Variants in STAT5B observed in about 807,000 individuals in gnomAD.
The protein encoded by STAT5B is transcription factor STAT5B.
In STAT5B, 21 loss-of-function variants were observed where a neutral mutation model predicts 107.8. The observed-to-expected ratio is 0.19, with a 90% CI of 0.14 to 0.28. STAT5B has a LOEUF of 0.28. Among genes scored for constraint, STAT5B ranks in the 10% least tolerant of loss-of-function variants. The probability of loss-of-function intolerance (pLI) is 1.00; values close to 1 mark genes in which losing one functional copy is unlikely to be tolerated. For synonymous variants in STAT5B, 325 were observed against 401.7 expected (o/e 0.81, Z 2.28); for missense variants, 565 against 1,008.2 (o/e 0.56, Z 5.95).
intron 1 of STAT5B, among the ~76,000 whole-genome samples, chr17:42,239,572 C>T (rs1463105488): frequency 6.6e-6 from 1 of 152,132 alleles, no homozygotes; most frequent in Non-Finnish European, 1.5e-5. Context: ...TAGCTAAGCA[C>T]TTAGTATATT....
At chr17:42,286,569 A>C in the STAT5B span, among the ~76,000 whole-genome samples, 2 of 152,174 alleles carry the variant, frequency 1.3e-5, no homozygotes, top group African/African-American at 2.4e-5. Flanking sequence ...CTGGAGGAGA[A>C]GTCTAGAGAG....
chr17:42,263,915 A>C, intron 1 of STAT5B, among the ~76,000 whole-genome samples: 2 of 150,792 alleles, frequency 1.3e-5, no homozygotes, highest in East Asian at 3.9e-4. Flanking sequence ...ACACACAGGG[A>C]ACTCCACGAC....
At chr17:42,203,517 G>A (rs2080062468) in intron 16 of STAT5B, among the ~76,000 whole-genome samples, 1 of 152,128 alleles carries the variant, frequency 6.6e-6, no homozygotes, top group Non-Finnish European at 1.5e-5. Flanking sequence ...AGGAGGGGCA[G>A]GTCATAAGAG....
intron 8 of STAT5B, 111 bp from the exon 9 acceptor site, chr17:42,218,441 A>T (rs901094691): frequency 2.7e-4 from 407 of 1,502,536 alleles, no homozygotes; most frequent in Non-Finnish European, 3.4e-4. Context: ...CAGGAGGTGA[A>T]GAGCTCGGGC....
rs770921312 is a variant in STAT5B, at chr17:42,223,536, G to A, written c.396C>T (p.Ser132=). 2.5e-6 allele frequency: 4 copies of A among 1,614,036 alleles called. No homozygotes were observed. The South Asian group carries it at 4.4e-5, about 18-fold the overall frequency. ...GTTTCTGGGACATGGCATCAGCAAG[G>A]CTTCCAGCTGGAGAGCTACCCTGGG... ...EANNGSSPAG[S]LADAMSQKHL... Residue 132 remains serine, a synonymous_variant, in exon 5 of 19, where the codon AGC becomes AGT. Coordinates refer to ENST00000293328, the MANE Select transcript of STAT5B (RefSeq NM_012448.4).
At chr17:42,226,953 C>A (rs1415869205) in intron 3 of STAT5B, among the ~76,000 whole-genome samples, 1 of 148,236 alleles carries the variant, frequency 6.7e-6, no homozygotes, top group African/African-American at 2.5e-5. Flanking sequence ...GGCAAAACCC[C>A]GTCTCCACTA....
At chr17:42,226,827 A>G (rs2080276547) in intron 3 of STAT5B, among the ~76,000 whole-genome samples, 1 of 147,508 alleles carries the variant, frequency 6.8e-6, no homozygotes, top group Non-Finnish European at 1.5e-5. Flanking sequence ...AAAAAAAAAA[A>G]GACAATGCAC....
chr17:42,230,255 C>T (rs1189998761), intron 2 of STAT5B, among the ~76,000 whole-genome samples: 3 of 152,002 alleles, frequency 2.0e-5, no homozygotes, highest in Non-Finnish European at 2.9e-5. Flanking sequence ...ACACGCATTG[C>T]GATTATTCTA....
chr17:42,232,035 C>T lies in STAT5B; in HGVS notation c.93G>A (p.Arg31=). The part of the protein sequence containing the change: ...LYGQHFPIEV[R]HYLSQWIESQ... ...TTTCAATCCACTGGGATAAATAATG[C>T]CGCACCTCAATGGGAAAATGCTGGC... The change falls in exon 2 of 19, where the codon CGG becomes CGA. Residue 31 remains arginine, a synonymous_variant. Transcript: ENST00000293328. 1 of 1,613,886 alleles carries T rather than the reference C, an allele frequency of 6.2e-7. No homozygotes were observed. Among genetic ancestry groups the T allele is most frequent in the Non-Finnish European group, 8.5e-7 (1 of 1,179,926 alleles).
chr17:42,223,297 T>C, intron 5 of STAT5B, 85 bp downstream of exon 5: 2 of 1,599,940 alleles, frequency 1.3e-6, no homozygotes, highest in South Asian at 2.2e-5. Flanking sequence ...ATGGAAAGTG[T>C]GCTTTCTCCC....
At chr17:42,260,550 A>C (rs561813068) in intron 1 of STAT5B, among the ~76,000 whole-genome samples, 1 of 152,138 alleles carries the variant, frequency 6.6e-6, no homozygotes, top group African/African-American at 2.4e-5. Context: ...CTGGGACTAT[A>C]GGTGCACATC....
chr17:42,246,343 AAATTTT>A (rs1422012032), intron 1 of STAT5B, among the ~76,000 whole-genome samples: 8 of 152,252 alleles, frequency 5.3e-5, no homozygotes, highest in East Asian at 3.9e-4. Context: ...AATTATAAAA[AAATTTT>A]AATTTTAAGT....
chr17:42,210,517 TG>T lies in STAT5B; in HGVS notation c.1681-21del. 6.3e-7 allele frequency: 1 copy of T among 1,598,254 alleles called. No homozygotes were observed. The highest frequency in any genetic ancestry group is 8.6e-7 in the Non-Finnish European group (1 of 1,165,716). ...ATTCTCCTGGTTGGAGATACAACAG[TG>T]AACATAAGAACACCAGAGTAACACT... On this transcript the variant is annotated intron_variant, in intron 13 of 18. Coordinates refer to ENST00000293328, the MANE Select transcript of STAT5B (RefSeq NM_012448.4).
intron 14 of STAT5B, 29 bp from the exon 15 acceptor site, chr17:42,210,330 C>A: frequency 6.2e-7 from 1 of 1,614,188 alleles, no homozygotes; most frequent in Non-Finnish European, 8.5e-7. Flanking sequence ...AGGACAGAAG[C>A]AGAGTGTGAC....
At chr17:42,211,086 G>T (rs549376304) in intron 13 of STAT5B, among the ~76,000 whole-genome samples, 3 of 151,322 alleles carry the variant, frequency 2.0e-5, no homozygotes, top group African/African-American at 7.3e-5. Flanking sequence ...CTGTAATCCC[G>T]GCTACTCAGG....
At chr17:42,252,925 G>T (rs1291886818) in intron 1 of STAT5B, among the ~76,000 whole-genome samples, 1 of 152,196 alleles carries the variant, frequency 6.6e-6, no homozygotes, top group African/African-American at 2.4e-5. Flanking sequence ...AAGAAGCTGA[G>T]TATAAACGAA....
At chr17:42,262,813 C>CAA (rs1567676954) in intron 1 of STAT5B, among the ~76,000 whole-genome samples, 1 of 119,316 alleles carries the variant, frequency 8.4e-6, no homozygotes, top group African/African-American at 3.1e-5. Flanking sequence ...TATATATACA[C>CAA]ACATATATAT....
intron 9 of STAT5B, 58 bp from the exon 10 acceptor site, chr17:42,217,522 G>A: frequency 1.9e-6 from 3 of 1,588,672 alleles, no homozygotes; most frequent in Non-Finnish European, 1.7e-6. Context: ...GACATGCGGA[G>A]TAAATAATAT....
chr17:42,232,101 C>T lies in STAT5B; in HGVS notation c.27G>A (p.Gln9=), dbSNP rs1415380718. 1 of 1,613,928 alleles carries T rather than the reference C, an allele frequency of 6.2e-7. No individual in the cohort carries two copies. The highest frequency in any genetic ancestry group is 1.7e-5 in the Admixed American group (1 of 59,976). The part of the protein sequence containing the change: MAVWIQAQ[Q]LQGEALHQMQ... The stretch of plus-strand genomic sequence containing the variant: ...TCTGATGAAGGGCTTCTCCTTGGAG[C>T]TGCTGAGCTTGTATCCACACAGCCA... The change falls in exon 2 of 19, where the codon CAG becomes CAA. Residue 9 remains glutamine (Q), a synonymous_variant. Coordinates refer to ENST00000293328, the MANE Select transcript of STAT5B (RefSeq NM_012448.4).
Sources: allele counts gnomAD v4.1 joint callset (sites outside exome capture counted in the v4.1 genomes callset), GRCh38; gene constraint gnomAD v4.1.1; transcripts MANE v1.5; gene names NCBI Gene and HGNC (gene_info 2026-07-23, HGNC 2026-07-21).